The following EXTL3 variants were observed in gnomAD, a reference collection of about 807,000 sequenced individuals.
The protein encoded by EXTL3 is exostosin like glycosyltransferase 3, also known as exostosin-like 3.
In EXTL3, 27 loss-of-function variants were observed where a neutral mutation model predicts 69.3. The ratio of observed to expected loss-of-function variants is 0.39; its 90% CI spans 0.29 to 0.54. The LOEUF (loss-of-function observed/expected upper bound fraction) is 0.54. Among genes scored for constraint, EXTL3 ranks in the 20% least tolerant of loss-of-function variants. The pLI, the probability that EXTL3 is intolerant of heterozygous loss-of-function variation, is 0.69. For missense variants in EXTL3, 1,003 were observed against 1,231.8 expected (o/e 0.81, Z 2.78); for synonymous variants, 511 against 499.4 (o/e 1.02, Z -0.31).
chr8:28,742,948 C>A, intron 5 of EXTL3, 138 bp from the exon 6 acceptor site: 2 of 870,912 alleles, frequency 2.3e-6, no homozygotes, highest in Non-Finnish European at 3.9e-6. Flanking sequence ...GAATCCCCTG[C>A]CCCAGTCCCT....
At chr8:28,656,686 AT>A (rs1160763453) in intron 1 of EXTL3, among the ~76,000 whole-genome samples, 2 of 152,128 alleles carry the variant, frequency 1.3e-5, no homozygotes, top group African/African-American at 4.8e-5. Flanking sequence ...TTTGCATCTA[AT>A]TTTACTGACT....
At chr8:28,722,391 C>A (rs1801309532) in intron 3 of EXTL3, among the ~76,000 whole-genome samples, 1 of 152,138 alleles carries the variant, frequency 6.6e-6, no homozygotes, top group African/African-American at 2.4e-5. Context: ...GTAGAGAGAA[C>A]CAGTTCAGAG....
chr8:28,749,155 C>A (rs968256454), intron 6 of EXTL3, among the ~76,000 whole-genome samples: 9 of 151,948 alleles, frequency 5.9e-5, no homozygotes, highest in Admixed American at 5.9e-4. Flanking sequence ...CAGTCAGCCA[C>A]CAAGAAAACA....
At chr8:28,638,343 A>T (rs141511036) in intron 1 of EXTL3, among the ~76,000 whole-genome samples, 66 of 152,298 alleles carry the variant, frequency 4.3e-4, no homozygotes, top group African/African-American at 1.5e-3. Context: ...CTACCAACGA[A>T]CCCTATGACA....
intron 1 of EXTL3, among the ~76,000 whole-genome samples, chr8:28,655,240 A>G (rs752453433): frequency 2.6e-5 from 4 of 152,156 alleles, no homozygotes; most frequent in Non-Finnish European, 4.4e-5. Flanking sequence ...GAGTCCAGGA[A>G]TTCAAGACCA....
intron 1 of EXTL3, among the ~76,000 whole-genome samples, chr8:28,681,581 T>G (rs546826307): frequency 2.6e-5 from 4 of 152,210 alleles, no homozygotes; most frequent in Non-Finnish European, 5.9e-5. Context: ...ATTTTGGCTA[T>G]TGTAAATAGC....
At chr8:28,709,403 C>T (rs1304489202) in intron 1 of EXTL3, among the ~76,000 whole-genome samples, 1 of 152,126 alleles carries the variant, frequency 6.6e-6, no homozygotes, top group Non-Finnish European at 1.5e-5. Context: ...CGTCTAGCCT[C>T]TCTCTCTGTT....
In EXTL3 at chr8:28,750,573, A is replaced by G; in HGVS notation, c.2551-84A>G. ...GGGGATCAGCGTCTTCACCATGGAC[A>G]TGGGAGTGTGGGATCGGCTCAGCTG... On this transcript the variant is annotated intron_variant, in intron 6 of 6. Transcript: ENST00000220562. The surrounding 1 kb of genome is among the most constrained non-coding windows in gnomAD (Gnocchi z 5.2). The G allele has an allele frequency of 7.1e-6, 8 of 1,119,722 alleles. No individual in the cohort carries two copies. The South Asian group carries it at 1.0e-4, about 14-fold the overall frequency. The allele number at this position is 1,119,722 out of a possible 1,614,324, so 69.4% of individuals were successfully genotyped here.
At chr8:28,619,592 T>C (rs9644144), upstream of EXTL3, among the ~76,000 whole-genome samples, 45,548 of 151,696 alleles carry the variant, frequency 0.3, 7,082 homozygotes, top group African/African-American at 0.36. Flanking sequence ...CTAAGGGCTG[T>C]TTCTTCTGTC....
chr8:28,734,386 G>A (rs1360927794), intron 4 of EXTL3, among the ~76,000 whole-genome samples: 4 of 152,030 alleles, frequency 2.6e-5, no homozygotes, highest in African/African-American at 9.7e-5. Flanking sequence ...TAATAATTTT[G>A]GGGAAAAATT....
At chr8:28,678,561 C>CTCATGGGCT (rs1322033618) in intron 1 of EXTL3, among the ~76,000 whole-genome samples, 1 of 152,184 alleles carries the variant, frequency 6.6e-6, no homozygotes, top group African/African-American at 2.4e-5. Flanking sequence ...TCCCCTTCAA[C>CTCATGGGCT]TTCCCCCATG....
intron 6 of EXTL3, among the ~76,000 whole-genome samples, chr8:28,748,264 G>T (rs573642107): frequency 6.6e-6 from 1 of 151,840 alleles, no homozygotes; most frequent in African/African-American, 2.4e-5. Flanking sequence ...CCAGCTACTC[G>T]GGAGGCTGAG....
At chr8:28,744,586 A>T (rs1257437916) in intron 6 of EXTL3, among the ~76,000 whole-genome samples, 2 of 152,164 alleles carry the variant, frequency 1.3e-5, no homozygotes, top group Non-Finnish European at 2.9e-5. Context: ...CAAGGTCAGG[A>T]GCTCAAGACC....
chr8:28,634,599 T>C lies in EXTL3; in HGVS notation c.-53+11789T>C, dbSNP rs1806623016. 4.1e-5 allele frequency among the ~76,000 whole-genome samples: 6 copies of C among 146,488 alleles called. No homozygotes were observed. In the Admixed American group the frequency reaches 4.1e-4, roughly 10 times the overall value. ...GAGGGAAGAGATGACCACATCTGCT[T>C]TTTTTTTTTTTTTTGAGATGGAGTC... is the stretch of plus-strand genomic sequence containing the variant. On this transcript the variant is annotated intron_variant, in intron 1 of 6. Transcript: ENST00000523149.
chr8:28,717,665 A>C lies in EXTL3; in HGVS notation c.1606A>C (p.Thr536Pro). 1 of 1,613,928 alleles carries C rather than the reference A, an allele frequency of 6.2e-7. No individual in the cohort carries two copies. Among genetic ancestry groups the C allele is most frequent in the South Asian group, 1.1e-5 (1 of 91,058 alleles). The change falls in exon 3 of 7, where the codon ACT becomes CCT. Residue 536 changes from threonine (T) to proline (P), a missense_variant. This residue lies in a region of EXTL3 where 742 missense variants were observed against 815.4 expected (regional missense o/e 0.91). Transcript: ENST00000220562. This position sits in a 1 kb window ranked among gnomAD's most constrained non-coding sequence, Gnocchi z 8.3. ...IFNTVLAMIRTRIQIPAAPIR... is the reference protein window; with the variant it reads ...IFNTVLAMIRPRIQIPAAPIR... Reference sequence around the variant, plus strand: ...TAATACCGTGCTGGCTATGATTAGGACTCGCATCCAGATCCCAGCCGCTCC... The same window carrying C: ...TAATACCGTGCTGGCTATGATTAGGCCTCGCATCCAGATCCCAGCCGCTCC...
rs1807069407 is a variant in EXTL3, at chr8:28,659,479, ATT to A, written c.-53+36671_-53+36672del. 2.0e-5 allele frequency among the ~76,000 whole-genome samples: 3 copies of A among 152,220 alleles called. No homozygotes were observed. The South Asian group carries it at 6.2e-4, about 32-fold the overall frequency. The stretch of plus-strand genomic sequence containing the variant: ...TTAGAGTTCAGTTGAACTGATTTCG[ATT>A]TCTCTCTCCAAAGTCAAGGTATTCC... On this transcript the variant is annotated intron_variant, in intron 1 of 6. Coordinates refer to the EXTL3 transcript ENST00000523149.
chr8:28,624,556 C>G (rs1387157815), intron 1 of EXTL3, among the ~76,000 whole-genome samples: 1 of 151,966 alleles, frequency 6.6e-6, no homozygotes, highest in Non-Finnish European at 1.5e-5. Context: ...GAGTGAGACC[C>G]TGTCTCAAAA....
exon 1 of EXTL3, chr8:28,622,765 T>G (rs1199787681): frequency 6.6e-6 from 1 of 152,208 alleles, no homozygotes; most frequent in Non-Finnish European, 1.5e-5. Flanking sequence ...TGTCGCCGGC[T>G]GCAGTGGCCG....
upstream of EXTL3, chr8:28,696,806 G>C (rs762122138): frequency 6.6e-6 from 1 of 151,978 alleles, no homozygotes; most frequent in Non-Finnish European, 1.5e-5. Flanking sequence ...GTGATCTGCC[G>C]GCCTCAGCCT....
Sources: gnomAD v4.1 joint callset for allele counts (sites outside exome capture counted in the v4.1 genomes callset) on GRCh38, gnomAD v4.1.1 for gene constraint, gnomAD v4.1.1 regional missense constraint, Gnocchi (gnomAD v3.1) non-coding constraint, MANE v1.5 for transcripts, NCBI Gene and HGNC (gene_info 2026-07-23, HGNC 2026-07-21) for gene names.